The following SGSM1 variants were observed in gnomAD, a reference collection of about 807,000 sequenced individuals.
SGSM1 encodes the protein RUN and TBC1 domain containing 2.
A neutral mutation model predicts 133.8 loss-of-function variants in SGSM1; 73 were observed. That is an observed-to-expected ratio of 0.55 (90% CI 0.45 to 0.66). SGSM1 has a LOEUF of 0.66. Ranked by LOEUF, SGSM1 falls within the 30% of genes least tolerant of loss-of-function variation. The pLI is 0.00. For synonymous variants in SGSM1, 563 were observed against 573.0 expected, an observed-to-expected ratio of 0.98 and a Z score of 0.25; for missense variants, 1,213 against 1,448.1, an observed-to-expected ratio of 0.84 and a Z score of 2.64.
chr22:24,869,248 C>T lies in SGSM1; in HGVS notation c.1291+393C>T, dbSNP rs775791239. Among the ~76,000 whole-genome samples, 9 of 152,230 alleles carry T rather than the reference C, an allele frequency of 5.9e-5. 1 individual carries two copies. In the Middle Eastern group the frequency reaches 0.014, roughly 230 times the overall value. ...GCGGCCGGGCATGGTGGCTCATACCCGTAATCCTGGCACTTTGAGAGGCCG... is the reference window on the plus strand; with the variant it reads ...GCGGCCGGGCATGGTGGCTCATACCTGTAATCCTGGCACTTTGAGAGGCCG... On this transcript the variant is annotated intron_variant, in intron 12 of 24. Coordinates refer to ENST00000400358, the MANE Select transcript of SGSM1 (RefSeq NM_001098497.3).
intron 2 of SGSM1, 120 bp downstream of exon 2, chr22:24,806,604 G>T: frequency 3.2e-6 from 4 of 1,230,856 alleles, no homozygotes; most frequent in Non-Finnish European, 4.3e-6. Context: ...CAGGTGTGGG[G>T]CTCACCTGGG....
rs775486577 is a variant in SGSM1 at position 24,877,590 on chromosome 22, T to TA, written c.1430+876dup. Among the ~76,000 whole-genome samples, 251 of 151,924 alleles carry TA rather than the reference T, an allele frequency of 1.7e-3. 4 individuals are homozygous for TA. Among genetic ancestry groups the TA allele is most frequent in the Middle Eastern group, 6.8e-3 (2 of 294 alleles). On this transcript the variant is annotated intron_variant, in intron 13 of 24. Transcript: ENST00000400358. ...GGTGGTCCAGTCATCAGCCATAGGA[T>TA]ATAAGGGGTGGGGGCTGGCATCAAA...
chr22:24,810,130 A>T lies in SGSM1; in HGVS notation c.63+3646A>T, dbSNP rs561583865. Among the ~76,000 whole-genome samples the T allele has an allele frequency of 2.6e-5, 4 of 152,212 alleles. No homozygotes were observed. The East Asian group carries it at 5.8e-4, about 22-fold the overall frequency. On this transcript the variant is annotated intron_variant, in intron 2 of 24. Coordinates refer to ENST00000400358, the MANE Select transcript of SGSM1 (RefSeq NM_001098497.3). ...TCTTATCCCAAAAGCAAGGGAAAGG[A>T]ATGGGGAGGACATCGAGAACAGGGA...
In SGSM1 at chr22:24,859,767, G is replaced by A. The variant is rs952699118; in HGVS notation, c.853G>A (p.Asp285Asn). ...GTACCTGTCCCTGCACCAGACGGCT[G>A]ACGTCATGACCTTGAAGTGGACACC... The part of the protein sequence containing the change: ...PGYLSLHQTA[D>N]VMTLKWTPNQ... The change falls in exon 9 of 25, where the codon GAC (aspartate) becomes AAC (asparagine). Residue 285 changes from aspartate (D) to asparagine (N), a missense_variant. Asp to Asn is a conservative substitution (Grantham distance 23). Transcript: ENST00000400358. 8.7e-6 allele frequency: 14 copies of A among 1,613,888 alleles called. No individual in the cohort carries two copies. The highest frequency in any genetic ancestry group is 1.3e-5 in the African/African-American group (1 of 74,946).
At chr22:24,859,922 G>C in intron 9 of SGSM1, 82 bp downstream of exon 9, 1 of 1,570,758 alleles carries the variant, frequency 6.4e-7, no homozygotes, top group Non-Finnish European at 8.7e-7. Flanking sequence ...GGGGAGGGGA[G>C]GTTTGTATCC....
intron 2 of SGSM1, among the ~76,000 whole-genome samples, chr22:24,842,787 C>T (rs898954784): frequency 1.3e-5 from 2 of 152,222 alleles, no homozygotes; most frequent in African/African-American, 4.8e-5. Context: ...AGCTGATGAC[C>T]TGCATGCAGC....
intron 22 of SGSM1, among the ~76,000 whole-genome samples, chr22:24,916,857 A>G (rs1933837610): frequency 6.6e-6 from 1 of 151,892 alleles, no homozygotes; most frequent in African/African-American, 2.4e-5. Context: ...TCATGTACAG[A>G]TTTTTATGTG....
At chr22:24,833,580 C>G (rs1269955030) in intron 2 of SGSM1, among the ~76,000 whole-genome samples, 1 of 151,884 alleles carries the variant, frequency 6.6e-6, no homozygotes, top group African/African-American at 2.4e-5. Flanking sequence ...ATCAGTTGAA[C>G]CCGGGAGGTG....
intron 12 of SGSM1, among the ~76,000 whole-genome samples, chr22:24,872,338 C>T (rs1034981263): frequency 6.6e-6 from 1 of 152,126 alleles, no homozygotes; most frequent in African/African-American, 2.4e-5. Flanking sequence ...CAGATAAGGG[C>T]ATTTTCAGAC....
chr22:24,923,189 T>C (rs889159912), intron 24 of SGSM1, among the ~76,000 whole-genome samples: 1 of 152,150 alleles, frequency 6.6e-6, no homozygotes, highest in African/African-American at 2.4e-5. Flanking sequence ...GTGAAATTTG[T>C]GAACTCACTC....
intron 10 of SGSM1, among the ~76,000 whole-genome samples, 188 bp from the exon 11 acceptor site, chr22:24,868,188 G>C (rs1049030992): frequency 6.6e-6 from 1 of 152,160 alleles, no homozygotes; most frequent in East Asian, 1.9e-4. Flanking sequence ...GTGGATGGTG[G>C]ATGAGATGAG....
intron 16 of SGSM1, among the ~76,000 whole-genome samples, chr22:24,889,807 G>T (rs1030343219): frequency 1.3e-5 from 2 of 149,184 alleles, no homozygotes; most frequent in African/African-American, 4.9e-5. Context: ...CCGCCACCAT[G>T]CCTGGCTAAT....
intron 2 of SGSM1, chr22:24,814,129 G>C: frequency 6.6e-6 from 1 of 152,082 alleles, no homozygotes; most frequent in Admixed American, 6.5e-5. Flanking sequence ...CCAAGTCTTT[G>C]TTTTTTCCAC....
At chr22:24,878,035 C>A (rs1201881530) in intron 13 of SGSM1, among the ~76,000 whole-genome samples, 1 of 151,776 alleles carries the variant, frequency 6.6e-6, no homozygotes, top group Non-Finnish European at 1.5e-5. Context: ...GCTCTCGAAC[C>A]CCTGACCTCA....
At chr22:24,894,126 G>A (rs995937893) in intron 17 of SGSM1, among the ~76,000 whole-genome samples, 3 of 152,212 alleles carry the variant, frequency 2.0e-5, no homozygotes, top group East Asian at 1.9e-4. Context: ...ACCCTTGACT[G>A]AGGGTGGTGG....
chr22:24,893,343 A>ATCAGAGCCACTCTCTTCCACGTTGG (rs1932846660), intron 16 of SGSM1, 88 bp from the exon 17 acceptor site: 1 of 1,398,796 alleles, frequency 7.1e-7, no homozygotes, highest in Admixed American at 2.0e-5. Context: ...TGTTGGATGG[A>ATCAGAGCCACTCTCTTCCACGTTGG]TCAGAGCCAC....
chr22:24,817,630 C>A (rs945102291), intron 2 of SGSM1, among the ~76,000 whole-genome samples: 1 of 152,106 alleles, frequency 6.6e-6, no homozygotes, highest in Non-Finnish European at 1.5e-5. Context: ...GGATTACAGG[C>A]GTGAGCCACC....
intron 22 of SGSM1, among the ~76,000 whole-genome samples, chr22:24,914,092 C>T (rs964024168): frequency 5.9e-5 from 9 of 152,146 alleles, no homozygotes; most frequent in African/African-American, 2.2e-4. Flanking sequence ...AGATCGCGAC[C>T]ATCCTGGCTA....
rs192622076 is a variant in SGSM1 at position 24,915,320 on chromosome 22, G to A, written c.2929-2338G>A. Among the ~76,000 whole-genome samples, 19 of 152,334 alleles carry A rather than the reference G, an allele frequency of 1.2e-4. No homozygotes were observed. The East Asian group carries it at 2.7e-3, about 22-fold the overall frequency. On this transcript the variant is annotated intron_variant, in intron 22 of 24. Coordinates refer to ENST00000400358, the MANE Select transcript of SGSM1 (RefSeq NM_001098497.3). ...CTGCATGCACGCAACAACTTTGCTT[G>A]GGCATCTACTCAGAGTCCAATTGCT...
Sources: gnomAD v4.1 joint callset for allele counts (sites outside exome capture counted in the v4.1 genomes callset) on GRCh38, gnomAD v4.1.1 for gene constraint, MANE v1.5 for transcripts, NCBI Gene and HGNC (gene_info 2026-07-23, HGNC 2026-07-21) for gene names.